The following DNAH10 variants were observed in gnomAD, a reference collection of about 807,000 sequenced individuals.
DNAH10 encodes axonemal beta dynein heavy chain 10.
Under a neutral mutation model 506.6 loss-of-function variants are expected in DNAH10, and 348 were observed. The ratio of observed to expected loss-of-function variants is 0.69; its 90% CI spans 0.63 to 0.75. The LOEUF is 0.75. DNAH10 is among the 30% of genes least tolerant of loss of function. The pLI is 0.00. For synonymous variants in DNAH10, 2,059 were observed against 2,198.6 expected (o/e 0.94, Z 1.78); for missense variants, 5,179 against 5,787.1 (o/e 0.89, Z 3.41).
In DNAH10 at chr12:123,903,108, G is replaced by A. The variant is rs142404548; in HGVS notation, c.9810G>A (p.Glu3270=). 104 of 1,608,590 alleles carry A rather than the reference G, an allele frequency of 6.5e-5. No homozygotes were observed. Among genetic ancestry groups the A allele is most frequent in the Middle Eastern group, 3.3e-4 (2 of 6,050 alleles). Residue 3270 remains glutamate, a synonymous_variant, in exon 57 of 79, where the codon GAG becomes GAA. Transcript: ENST00000673944. The surrounding 1 kb of genome is among the most constrained non-coding windows in gnomAD (Gnocchi z 4.6). ...AGCTGGACAAGTCGGACGTGACTGA[G>A]ATTAGGTAATGCACCTGAGCCACCA... ...LQKLDKSDVT[E]IRSFAKPPKQ... is the part of the protein sequence containing the mutation.
rs373583792 is a variant in DNAH10, at chr12:123,847,931, A to G, written c.5815-30A>G. 4.4e-4 allele frequency: 694 copies of G among 1,580,386 alleles called. 4 individuals carry two copies. The African/African-American group carries it at 8.7e-3, about 20-fold the overall frequency. ...ACCCACTTCCTTCTGTGCACCAGAA[A>G]ACATATGTTTTGCATTTGGCTTATA... On this transcript the variant is annotated intron_variant, in intron 32 of 78. Coordinates refer to ENST00000673944, the MANE Select transcript of DNAH10 (RefSeq NM_001372106.1).
chr12:123,914,285 C>T, intron 60 of DNAH10, 44 bp from the exon 61 acceptor site: 1 of 1,555,534 alleles, frequency 6.4e-7, no homozygotes, highest in Non-Finnish European at 8.7e-7. Context: ...TTGGTTGTGG[C>T]CAGAAGGTAA....
At position 123,881,754 on chromosome 12, in the gene DNAH10, G is replaced by A. The variant is rs1161391958; in HGVS notation, c.8764G>A (p.Val2922Ile). The A allele has an allele frequency of 1.3e-6, 2 of 1,542,944 alleles. No individual in the cohort carries two copies. The highest frequency in any genetic ancestry group is 1.2e-5 in the South Asian group (1 of 83,002). Reference sequence around the variant, plus strand: ...CCGCGGCCACGCCCTGCTGGTCGGGGTAGGGGGCTCAGGGAAGCAGTCTCT... The same window carrying A: ...CCGCGGCCACGCCCTGCTGGTCGGGATAGGGGGCTCAGGGAAGCAGTCTCT... The part of the protein sequence containing the change: ...MDRGHALLVG[V>I]GGSGKQSLSR... The change falls in exon 51 of 79, where the codon GTA becomes ATA. Residue 2922 changes from valine to isoleucine, a missense_variant. Val to Ile is a conservative substitution (Grantham distance 29). Coordinates refer to ENST00000673944, the MANE Select transcript of DNAH10 (RefSeq NM_001372106.1).
chr12:123,812,314 G>C (rs1042939181), intron 19 of DNAH10, among the ~76,000 whole-genome samples: 6 of 152,132 alleles, frequency 3.9e-5, no homozygotes, highest in Non-Finnish European at 8.8e-5. Flanking sequence ...ATCTGGATGT[G>C]GGGGTGGGTG....
chr12:123,900,663 G>A (rs931930723), intron 56 of DNAH10, among the ~76,000 whole-genome samples: 4 of 152,326 alleles, frequency 2.6e-5, no homozygotes, highest in Middle Eastern at 3.4e-3. Context: ...TGAGCTCAAA[G>A]TGGCTTAATC....
intron 18 of DNAH10, among the ~76,000 whole-genome samples, chr12:123,805,729 C>A (rs570727926): frequency 4.6e-5 from 7 of 151,198 alleles, no homozygotes; most frequent in African/African-American, 1.7e-4. Flanking sequence ...AGAAATGACT[C>A]TAGTTCCTTC....
At chr12:123,864,501 A>G in intron 39 of DNAH10, 94 bp from the exon 40 acceptor site, 1 of 1,489,466 alleles carries the variant, frequency 6.7e-7, no homozygotes, top group South Asian at 1.4e-5. Context: ...AAACCCTGGG[A>G]AAAAGACATT....
Position 123,785,713 on chromosome 12 carries a change from G to A in DNAH10, c.1231-33G>A. 2.6e-6 allele frequency: 4 copies of A among 1,523,088 alleles called. No individual in the cohort carries two copies. The highest frequency in any genetic ancestry group is 3.6e-6 in the Non-Finnish European group (4 of 1,124,166). 94.3% of individuals were successfully genotyped at this position (1,523,088 alleles called of 1,614,324 possible). On this transcript the variant is annotated intron_variant, in intron 8 of 78. Coordinates refer to ENST00000673944, the MANE Select transcript of DNAH10 (RefSeq NM_001372106.1). The surrounding 1 kb of genome is among the most constrained non-coding windows in gnomAD (Gnocchi z 4.1). ...AAACTATTTGGACCCCAAGGCTAAG[G>A]GCTCTTGCGTGGCTCTCTCCTCTCT... is the stretch of plus-strand genomic sequence containing the variant.
chr12:123,783,818 G>C, intron 7 of DNAH10, 129 bp from the exon 8 acceptor site: 1 of 794,186 alleles, frequency 1.3e-6, no homozygotes, highest in Non-Finnish European at 2.0e-6. Context: ...CCAGGGTCAA[G>C]AGCCCACCCC....
chr12:123,883,655 A>T (rs754921990), intron 51 of DNAH10, among the ~76,000 whole-genome samples: 8 of 152,202 alleles, frequency 5.3e-5, no homozygotes, highest in Non-Finnish European at 1.0e-4. Flanking sequence ...TTAAGCTGAA[A>T]AGTGTACCCT....
At chr12:123,843,541 G>T (rs1042408723) in intron 30 of DNAH10, among the ~76,000 whole-genome samples, 6 of 151,998 alleles carry the variant, frequency 3.9e-5, no homozygotes, top group African/African-American at 1.5e-4. Context: ...AAACAACAAA[G>T]GTCAATGTTA....
At chr12:123,834,989 T>C (rs1321381293) in intron 27 of DNAH10, among the ~76,000 whole-genome samples, 1 of 152,254 alleles carries the variant, frequency 6.6e-6, no homozygotes, top group Non-Finnish European at 1.5e-5. Flanking sequence ...TCAGCATTCA[T>C]GTACAACTAC....
rs1403890760 is a variant in DNAH10, at chr12:123,857,177, G to A, written c.6560G>A (p.Arg2187His). Reference sequence around the variant, plus strand: ...CCTGGGCTGGACTGCCCTCGCGTCCGCTACCCTGACTTCAACGATGCGGTA... The same window carrying A: ...CCTGGGCTGGACTGCCCTCGCGTCCACTACCCTGACTTCAACGATGCGGTA... ...LFPGLDCPRV[R>H]YPDFNDAVEQ... The change falls in exon 37 of 79, where the codon CGC (arginine) becomes CAC (histidine). Residue 2187 changes from arginine (R) to histidine (H), a missense_variant. This residue lies in a region of DNAH10 where 4,844 missense variants were observed against 5,430.5 expected (regional missense o/e 0.89). Coordinates refer to ENST00000673944, the MANE Select transcript of DNAH10 (RefSeq NM_001372106.1). 5 of 1,608,316 alleles carry A rather than the reference G, an allele frequency of 3.1e-6. No homozygotes were observed. The highest frequency in any genetic ancestry group is 1.7e-5 in the Admixed American group (1 of 59,084).
chr12:123,835,436 T>A lies in DNAH10; in HGVS notation c.4810T>A (p.Tyr1604Asn). ...GATGTTGGTTCAGAGAAAATGGATGTATCTTGAAAGTATTTTTATTGGTGG... is the reference window on the plus strand; with the variant it reads ...GATGTTGGTTCAGAGAAAATGGATGAATCTTGAAAGTATTTTTATTGGTGG... The part of the protein sequence containing the change: ...IWMLVQRKWM[Y>N]LESIFIGGDI... The change falls in exon 28 of 79, where the codon TAT becomes AAT. Residue 1604 changes from tyrosine (Y) to asparagine (N), a missense_variant. Physicochemically the swap from Tyr to Asn is moderately radical, Grantham distance 143. Coordinates refer to ENST00000673944, the MANE Select transcript of DNAH10 (RefSeq NM_001372106.1). 1 of 1,611,052 alleles carries A rather than the reference T, an allele frequency of 6.2e-7. No homozygotes were observed. Among genetic ancestry groups the A allele is most frequent in the Non-Finnish European group, 8.5e-7 (1 of 1,178,444 alleles).
At position 123,935,572 on chromosome 12, in the gene DNAH10, G is replaced by A; in HGVS notation, c.*91G>A. On this transcript the variant is annotated 3_prime_UTR_variant, in exon 79 of 79. Transcript: ENST00000673944. Reference sequence around the variant, plus strand: ...TGTCATTTCTTGGGGCCTCTCAAGAGGCAGGAGGGGGACTGACACTGATTT... The same window carrying A: ...TGTCATTTCTTGGGGCCTCTCAAGAAGCAGGAGGGGGACTGACACTGATTT... 6 of 1,336,402 alleles carry A rather than the reference G, an allele frequency of 4.5e-6. No homozygotes were observed. Among genetic ancestry groups the A allele is most frequent in the Non-Finnish European group, 5.1e-6 (5 of 981,856 alleles). 82.8% of individuals were successfully genotyped at this position (1,336,402 alleles called of 1,614,324 possible).
rs553110600 is a variant in DNAH10 at position 123,819,203 on chromosome 12, G to A, written c.3953G>A (p.Arg1318His). 6.2e-6 allele frequency: 10 copies of A among 1,613,508 alleles called. No individual in the cohort carries two copies. The Middle Eastern group carries it at 4.9e-4, about 80-fold the overall frequency. ...YRVQIEEFAK[R>H]FYSEGPGSVG... ...GTTCAGATAGAGGAGTTTGCAAAGCGTTTTTACAGTGAAGGCCCTGGTTCT... is the reference window on the plus strand; with the variant it reads ...GTTCAGATAGAGGAGTTTGCAAAGCATTTTTACAGTGAAGGCCCTGGTTCT... Residue 1318 changes from arginine to histidine, a missense_variant, in exon 23 of 79, where the codon CGT (arginine) becomes CAT (histidine). Physicochemically the swap from Arg to His is conservative, Grantham distance 29. This residue lies in a region of DNAH10 where 4,844 missense variants were observed against 5,430.5 expected (regional missense o/e 0.89). Coordinates refer to ENST00000673944, the MANE Select transcript of DNAH10 (RefSeq NM_001372106.1).
intron 45 of DNAH10, 106 bp from the exon 46 acceptor site, chr12:123,873,452 C>T: frequency 7.4e-7 from 1 of 1,349,246 alleles, no homozygotes. Context: ...AAAGTTAGTT[C>T]AGAGGCCAAT....
At chr12:123,764,433 C>G (rs529583612) in intron 1 of DNAH10, among the ~76,000 whole-genome samples, 1 of 152,246 alleles carries the variant, frequency 6.6e-6, no homozygotes, top group Admixed American at 6.5e-5. Context: ...CAAAAACACA[C>G]TCGCAGGATT....
At chr12:123,805,556 G>C (rs999109024) in intron 18 of DNAH10, among the ~76,000 whole-genome samples, 5 of 152,140 alleles carry the variant, frequency 3.3e-5, no homozygotes, top group Non-Finnish European at 7.3e-5. Context: ...GGACCCCATC[G>C]CATTGGTGGC....
Sources: allele counts gnomAD v4.1 joint callset (sites outside exome capture counted in the v4.1 genomes callset), GRCh38; gene constraint gnomAD v4.1.1; regional missense constraint gnomAD v4.1.1; non-coding constraint Gnocchi (gnomAD v3.1); transcripts MANE v1.5; gene names NCBI Gene and HGNC (gene_info 2026-07-23, HGNC 2026-07-21).